HDAC5: variants seen among roughly 807,000 people sequenced by gnomAD.
HDAC5 encodes the protein histone deacetylase 5.
A neutral mutation model predicts 133.3 loss-of-function variants in HDAC5; 25 were observed. The observed-to-expected ratio is 0.19, with a 90% CI of 0.14 to 0.26. The LOEUF (loss-of-function observed/expected upper bound fraction) is 0.26. HDAC5 is among the 10% of genes least tolerant of loss of function. The pLI is 1.00. For missense variants in HDAC5, 1,041 were observed against 1,460.5 expected (o/e 0.71, Z 4.68); for synonymous variants, 589 against 610.8 (o/e 0.96, Z 0.53).
chr17:44,080,155 C>T lies in HDAC5; in HGVS notation c.2896G>A (p.Val966Ile). Reference sequence around the variant, plus strand: ...CCCAGAGGAGACAGATGTCCTTCAACAGCATCAAACCCGGCGGAGACTAGG... The same window carrying T: ...CCCAGAGGAGACAGATGTCCTTCAATAGCATCAAACCCGGCGGAGACTAGG... ...VVLVSAGFDAVEGHLSPLGGY... is the reference protein window; with the variant it reads ...VVLVSAGFDAIEGHLSPLGGY... The change falls in exon 23 of 27, where the codon GTT (valine) becomes ATT (isoleucine). Residue 966 changes from valine (V) to isoleucine (I), a missense_variant. Physicochemically the swap from Val to Ile is conservative, Grantham distance 29. Around this residue, in one of 9 missense-constraint regions of HDAC5, gnomAD observed 174 missense variants for 352.7 expected, o/e 0.49. Transcript: ENST00000682912. 6.2e-7 allele frequency: 1 copy of T among 1,614,148 alleles called. No individual in the cohort carries two copies. Among genetic ancestry groups the T allele is most frequent in the Non-Finnish European group, 8.5e-7 (1 of 1,180,016 alleles).
In HDAC5 at chr17:44,085,782, G is replaced by C. The variant is rs1567987440; in HGVS notation, c.2051-627C>G. Among the ~76,000 whole-genome samples the C allele has an allele frequency of 3.9e-5, 6 of 152,164 alleles. No homozygotes were observed. In the South Asian group the frequency reaches 1.2e-3, roughly 32 times the overall value. On this transcript the variant is annotated intron_variant, in intron 14 of 26. Transcript: ENST00000682912. ...CTCCTAAAGTGCTGGGATTACAGGCGTGAGCCACTGCACCCAACCTATTTT... is the reference window on the plus strand; with the variant it reads ...CTCCTAAAGTGCTGGGATTACAGGCCTGAGCCACTGCACCCAACCTATTTT...
chr17:44,106,320 A>G (rs888283706), intron 3 of HDAC5, among the ~76,000 whole-genome samples: 1 of 152,220 alleles, frequency 6.6e-6, no homozygotes, highest in African/African-American at 2.4e-5. Flanking sequence ...AGTGGTCCTC[A>G]GTATTTACAG....
chr17:44,091,595 A>G, intron 10 of HDAC5, 103 bp from the exon 11 acceptor site: 1 of 1,492,400 alleles, frequency 6.7e-7, no homozygotes, highest in Non-Finnish European at 9.0e-7. Context: ...GGTAGGGCCA[A>G]CAGATCTCCC....
intron 3 of HDAC5, among the ~76,000 whole-genome samples, chr17:44,108,762 CAA>C (rs772843540): frequency 0.01 from 554 of 54,652 alleles, 13 homozygotes; most frequent in African/African-American, 0.025. Context: ...AAAAAAAAAA[CAA>C]AAAAAAAACA....
chr17:44,099,322 G>A (rs1192536460), intron 3 of HDAC5, among the ~76,000 whole-genome samples: 1 of 152,074 alleles, frequency 6.6e-6, no homozygotes, highest in Non-Finnish European at 1.5e-5. Context: ...CTCTTTCCCA[G>A]CACTGAGAAC....
At chr17:44,119,120 C>G (rs897015756) in intron 1 of HDAC5, among the ~76,000 whole-genome samples, 6 of 152,206 alleles carry the variant, frequency 3.9e-5, no homozygotes, top group Non-Finnish European at 1.5e-5. Context: ...TTGCTCCTGA[C>G]GGGCACAGGT....
chr17:44,099,452 G>C (rs975314513), intron 3 of HDAC5, among the ~76,000 whole-genome samples: 1 of 152,082 alleles, frequency 6.6e-6, no homozygotes, highest in African/African-American at 2.4e-5. Context: ...TTGCTGAGTG[G>C]GTGGGGCTGT....
At chr17:44,122,156 C>T (rs1012784843) in intron 1 of HDAC5, among the ~76,000 whole-genome samples, 4 of 152,076 alleles carry the variant, frequency 2.6e-5, no homozygotes, top group Non-Finnish European at 5.9e-5. Flanking sequence ...GCCCAGCCAG[C>T]CTAGCCCAGC....
In HDAC5 at chr17:44,091,397, T is replaced by A; in HGVS notation, c.1260A>T (p.Thr420=). 1 of 1,577,744 alleles carries A rather than the reference T, an allele frequency of 6.3e-7. No individual in the cohort carries two copies. Residue 420 remains threonine, a synonymous_variant, in exon 11 of 27, where the codon ACA becomes ACT. Coordinates refer to ENST00000682912, the MANE Select transcript of HDAC5 (RefSeq NM_005474.5). ...GGTLTGKFMS[T]SSIPGCLLGV... ...CCAGCAGGCAGCCAGGAATAGAGGA[T>A]GTGCTCATGAACTTGCCGGTCAGCG...
At chr17:44,086,434 A>C in intron 14 of HDAC5, 138 bp downstream of exon 14, 1 of 592,516 alleles carries the variant, frequency 1.7e-6, no homozygotes, top group Non-Finnish European at 2.5e-6. Context: ...GGGTACAGGG[A>C]GAGAACGAAG....
At chr17:44,118,983 C>T (rs1027276565) in intron 1 of HDAC5, among the ~76,000 whole-genome samples, 4 of 152,214 alleles carry the variant, frequency 2.6e-5, no homozygotes, top group East Asian at 1.9e-4. Flanking sequence ...AACACACATG[C>T]GCATGCACGC....
chr17:44,091,547 G>A, intron 10 of HDAC5, 55 bp from the exon 11 acceptor site: 1 of 1,500,480 alleles, frequency 6.7e-7, no homozygotes, highest in Non-Finnish European at 9.0e-7. Flanking sequence ...CTTTGGACTA[G>A]CATCCCCATC....
intron 3 of HDAC5, among the ~76,000 whole-genome samples, chr17:44,099,703 T>C (rs981361947): frequency 5.3e-5 from 8 of 152,140 alleles, no homozygotes; most frequent in Non-Finnish European, 1.2e-4. Context: ...CTCGATCTCC[T>C]GACCTCGTGA....
At chr17:44,116,139 C>G (rs1337714437) in intron 2 of HDAC5, 1 of 152,296 alleles carries the variant, frequency 6.6e-6, no homozygotes, top group African/African-American at 2.4e-5. Flanking sequence ...GAGTTAGACC[C>G]CAGCCCCATG....
chr17:44,083,745 G>A, intron 17 of HDAC5, 60 bp downstream of exon 17: 1 of 1,585,522 alleles, frequency 6.3e-7, no homozygotes, highest in Non-Finnish European at 8.7e-7. Context: ...GTGGTAGGCA[G>A]GGAAGAGACA....
chr17:44,100,213 G>A (rs1261325109), intron 3 of HDAC5, among the ~76,000 whole-genome samples: 5 of 152,056 alleles, frequency 3.3e-5, no homozygotes, highest in Non-Finnish European at 2.9e-5. Context: ...CAAGCCTTCC[G>A]CCTGCTCTGA....
intron 1 of HDAC5, among the ~76,000 whole-genome samples, chr17:44,121,870 C>T (rs932173551): frequency 6.6e-6 from 1 of 152,140 alleles, no homozygotes; most frequent in Non-Finnish European, 1.5e-5. Flanking sequence ...GTAACCCACA[C>T]TTGAGATCTG....
At chr17:44,081,856 C>G (rs978702572) in intron 20 of HDAC5, 1 of 152,246 alleles carries the variant, frequency 6.6e-6, no homozygotes, top group African/African-American at 2.4e-5. Flanking sequence ...GCTGGGATTA[C>G]AGGCTTTGAG....
Position 44,089,747 on chromosome 17 carries a change from C to CAAAAA in HDAC5, c.1388-1154_1388-1150dup, listed in dbSNP as rs869263828. Among the ~76,000 whole-genome samples the CAAAAA allele has an allele frequency of 2.2e-3, 76 of 34,056 alleles. 3 individuals are homozygous for CAAAAA. Among genetic ancestry groups the CAAAAA allele is most frequent in the African/African-American group, 0.012 (70 of 5,860 alleles). 22.3% of individuals were successfully genotyped at this position (34,056 alleles called of 152,430 possible). Reference sequence around the variant, plus strand: ...GGGCAACAAGAGTGAAACTTCGTCTCAAAAAAAAAAAAAAAAAAAAAAAAA... The same window carrying CAAAAA: ...GGGCAACAAGAGTGAAACTTCGTCTCAAAAAAAAAAAAAAAAAAAAAAAAAAAAAA... On this transcript the variant is annotated intron_variant, in intron 11 of 26. Coordinates refer to ENST00000682912, the MANE Select transcript of HDAC5 (RefSeq NM_005474.5).
Sources: allele counts gnomAD v4.1 joint callset (sites outside exome capture counted in the v4.1 genomes callset), GRCh38; gene constraint gnomAD v4.1.1; regional missense constraint gnomAD v4.1.1; transcripts MANE v1.5; gene names NCBI Gene and HGNC (gene_info 2026-07-23, HGNC 2026-07-21).